The following MLH3 variants were observed in gnomAD, a reference collection of about 807,000 sequenced individuals.
MLH3 encodes mutL homolog 3.
MLH3 carries 82 observed loss-of-function variants against 122.2 expected under a neutral mutation model. That is an observed-to-expected ratio of 0.67 (90% CI 0.56 to 0.81). MLH3 has a LOEUF of 0.81. MLH3 is among the 30% of genes least tolerant of loss of function. MLH3 has a pLI of 0.00. For synonymous variants in MLH3, 524 were observed against 599.5 expected, an observed-to-expected ratio of 0.87 and a Z score of 1.84; for missense variants, 1,539 against 1,714.5, an observed-to-expected ratio of 0.90 and a Z score of 1.81.
intron 12 of MLH3, among the ~76,000 whole-genome samples, chr14:75,017,857 G>T (rs1889994822): frequency 6.6e-6 from 1 of 152,158 alleles, no homozygotes; most frequent in African/African-American, 2.4e-5. Flanking sequence ...CAAAAGAAAA[G>T]ATTTTGGGCA....
At chr14:75,036,863 C>A in intron 6 of MLH3, 2 of 430,612 alleles carry the variant, frequency 4.6e-6, no homozygotes, top group South Asian at 3.3e-5. Flanking sequence ...GCTCTCTAGT[C>A]CACCCTGGTC....
At chr14:75,050,296 T>C (rs1179174019) in intron 1 of MLH3, among the ~76,000 whole-genome samples, 1 of 152,224 alleles carries the variant, frequency 6.6e-6, no homozygotes, top group African/African-American at 2.4e-5. Flanking sequence ...GGAAAGAGGC[T>C]GGGAATGGGA....
chr14:75,017,984 A>G (rs1032782729), intron 12 of MLH3, among the ~76,000 whole-genome samples: 4 of 151,982 alleles, frequency 2.6e-5, no homozygotes, highest in African/African-American at 7.3e-5. Flanking sequence ...TGTCTCTACT[A>G]AAAATACAGA....
At position 75,030,552 on chromosome 14, in the gene MLH3, A is replaced by G. The variant is rs1166582555; in HGVS notation, c.3978T>C (p.Ser1326=). The change falls in exon 9 of 13, where the codon AGT becomes AGC. Residue 1326 remains serine (S), a synonymous_variant. Coordinates refer to ENST00000355774, the MANE Select transcript of MLH3 (RefSeq NM_001040108.2). ...LRRGRSTVTK[S]IVEEFIREQL... ...TGCAGCTGTGTCTTACCTCCACAAT[A>G]CTCTTGGTCACAGTAGATCTTCCTC... 1.9e-6 allele frequency: 3 copies of G among 1,613,752 alleles called. No individual in the cohort carries two copies. In the African/African-American group the frequency reaches 4.0e-5, roughly 22 times the overall value.
At chr14:75,034,696 C>T (rs148193260) in intron 6 of MLH3, among the ~76,000 whole-genome samples, 9 of 152,164 alleles carry the variant, frequency 5.9e-5, no homozygotes, top group Admixed American at 1.3e-4. Context: ...AGATTCCCCT[C>T]GGGCCATGTT....
intron 5 of MLH3, among the ~76,000 whole-genome samples, chr14:75,038,782 T>C (rs955020294): frequency 1.3e-5 from 2 of 152,192 alleles, no homozygotes; most frequent in Non-Finnish European, 2.9e-5. Flanking sequence ...TTAAAATTTA[T>C]ATGAAAGCAA....
rs1450392929 is a variant in MLH3 at position 75,014,750 on chromosome 14, A to C, written c.*2332T>G. On this transcript the variant is annotated 3_prime_UTR_variant, in exon 13 of 13. Coordinates refer to ENST00000355774, the MANE Select transcript of MLH3 (RefSeq NM_001040108.2). ...GAAGTTACTAAAGCCTTCAGCGACC[A>C]GAATCTAATAAAGGTGAATCACCAA... The C allele has an allele frequency of 5.1e-6, 1 of 194,330 alleles. No individual in the cohort carries two copies. Among genetic ancestry groups the C allele is most frequent in the East Asian group, 8.0e-5 (1 of 12,450 alleles). 12.0% of individuals were successfully genotyped at this position (194,330 alleles called of 1,614,324 possible).
At position 75,048,063 on chromosome 14, in the gene MLH3, A is replaced by G. The variant is rs149642740; in HGVS notation, c.1593T>C (p.Ser531=). 2 of 1,613,946 alleles carry G rather than the reference A, an allele frequency of 1.2e-6. No individual in the cohort carries two copies. Among genetic ancestry groups the G allele is most frequent in the African/African-American group, 2.7e-5 (2 of 74,928 alleles). ...SGQDLEIWKE[S]TTVNGMAANI... ...TGGCAGCCATGCCATTAACAGTAGT[A>G]CTTTCTTTCCATATTTCTAGATCCT... The change falls in exon 2 of 13, where the codon AGT becomes AGC. Residue 531 remains serine (S), a synonymous_variant. Coordinates refer to ENST00000355774, the MANE Select transcript of MLH3 (RefSeq NM_001040108.2).
At chr14:75,039,759 A>AACACACACACAC (rs34635307) in intron 5 of MLH3, 152 bp downstream of exon 5, 26 of 203,196 alleles carry the variant, frequency 1.3e-4, no homozygotes, top group African/African-American at 5.9e-4. Flanking sequence ...TTCTAGTAAG[A>AACACACACACAC]ACACACACAC....
intron 9 of MLH3, among the ~76,000 whole-genome samples, chr14:75,023,282 G>A (rs2139330853): frequency 6.6e-6 from 1 of 152,310 alleles, no homozygotes; most frequent in South Asian, 2.1e-4. Context: ...AACTAATGAG[G>A]TTATGTAGCT....
Position 75,048,862 on chromosome 14 carries a change from T to C in MLH3, c.794A>G (p.His265Arg), listed in dbSNP as rs1892459266. The C allele has an allele frequency of 3.7e-6, 6 of 1,614,150 alleles. No individual in the cohort carries two copies. The highest frequency in any genetic ancestry group is 4.2e-6 in the Non-Finnish European group (5 of 1,179,986). Residue 265 changes from histidine (H) to arginine (R), a missense_variant, in exon 2 of 13, where the codon CAT becomes CGT. Transcript: ENST00000355774. ...CCTTAATAAAAAGTCAATGAGTTTATGTAGCTTTGTCCTTAAAACTAGTCT... is the reference window on the plus strand; with the variant it reads ...CCTTAATAAAAAGTCAATGAGTTTACGTAGCTTTGTCCTTAAAACTAGTCT... ...NKRLVLRTKL[H>R]KLIDFLLRKE...
intron 7 of MLH3, among the ~76,000 whole-genome samples, chr14:75,032,491 T>C (rs1257198816): frequency 6.6e-6 from 1 of 152,232 alleles, no homozygotes; most frequent in Non-Finnish European, 1.5e-5. Flanking sequence ...CAGGAACATA[T>C]GTGGGTTGAC....
At position 75,016,844 on chromosome 14, in the gene MLH3, C is replaced by A; in HGVS notation, c.*238G>T. On this transcript the variant is annotated 3_prime_UTR_variant, in exon 13 of 13. Coordinates refer to ENST00000355774, the MANE Select transcript of MLH3 (RefSeq NM_001040108.2). ...CAAAAGGTAGATACTATATAGCAAC[C>A]TTCTGTGCCCATGGATGCAAATGAA... The A allele has an allele frequency of 2.0e-6, 1 of 507,102 alleles. No homozygotes were observed. Among genetic ancestry groups the A allele is most frequent in the Non-Finnish European group, 3.6e-6 (1 of 276,154 alleles). 31.4% of individuals were successfully genotyped at this position (507,102 alleles called of 1,614,324 possible).
intron 9 of MLH3, among the ~76,000 whole-genome samples, chr14:75,027,447 ACAGGGTTTCACCACGTTGGC>A (rs1350833088): frequency 2.0e-5 from 3 of 151,934 alleles, no homozygotes; most frequent in African/African-American, 7.2e-5. Flanking sequence ...TTTGGTAGAG[ACAGGGTTTCACCACGTTGGC>A]CAGGCTGGTC....
intron 4 of MLH3, 37 bp downstream of exon 4, chr14:75,041,574 GAAGA>G (rs746689658): frequency 2.5e-5 from 37 of 1,458,840 alleles, no homozygotes; most frequent in South Asian, 8.0e-5. Context: ...AGAAGAAGAA[GAAGA>G]AAAAAAAAAG....
chr14:75,018,768 G>C (rs1209882590), intron 12 of MLH3, 61 bp downstream of exon 12: 10 of 1,577,206 alleles, frequency 6.3e-6, no homozygotes, highest in Non-Finnish European at 8.7e-6. Flanking sequence ...CATAGTAAAA[G>C]CCAGAAAAGA....
At chr14:75,042,121 A>G (rs1345560075) in intron 3 of MLH3, among the ~76,000 whole-genome samples, 1 of 152,264 alleles carries the variant, frequency 6.6e-6, no homozygotes, top group Non-Finnish European at 1.5e-5. Context: ...TTTAAAAATA[A>G]GAAACATGTC....
chr14:75,049,726 A>G lies in MLH3; in HGVS notation c.-63-8T>C. The stretch of plus-strand genomic sequence containing the variant: ...CTGACTGGAAATAATTGCCTATTGG[A>G]GAAAAAAACCACACACGCACATAAT... On this transcript the variant is annotated splice_region_variant and splice_polypyrimidine_tract_variant and intron_variant, in intron 1 of 12. Coordinates refer to ENST00000355774, the MANE Select transcript of MLH3 (RefSeq NM_001040108.2). The G allele has an allele frequency of 6.8e-7, 1 of 1,465,038 alleles. No individual in the cohort carries two copies. The highest frequency in any genetic ancestry group is 1.2e-5 in the South Asian group (1 of 83,582). 90.8% of individuals were successfully genotyped at this position (1,465,038 alleles called of 1,614,324 possible). A position where few individuals can be genotyped will look rare whatever the true frequency, so the allele number is the denominator to read the frequency against.
At chr14:75,022,054 C>T (rs907959829) in intron 11 of MLH3, among the ~76,000 whole-genome samples, 16 of 152,134 alleles carry the variant, frequency 1.1e-4, no homozygotes, top group African/African-American at 3.9e-4. Flanking sequence ...AGGCCATCAT[C>T]CTAAGTGAAT....
Sources: gnomAD v4.1 joint callset for allele counts (sites outside exome capture counted in the v4.1 genomes callset) on GRCh38, gnomAD v4.1.1 for gene constraint, MANE v1.5 for transcripts, NCBI Gene and HGNC (gene_info 2026-07-23, HGNC 2026-07-21) for gene names.